Variants in ADGB observed in about 807,000 individuals in gnomAD.
ADGB encodes the protein androglobin, also known as calpain-7-like protein.
Under a neutral mutation model 210.5 loss-of-function variants are expected in ADGB, and 172 were observed. The ratio of observed to expected loss-of-function variants is 0.82; its 90% CI spans 0.72 to 0.93. ADGB has a LOEUF of 0.93. ADGB is among the 40% of genes least tolerant of loss of function. The pLI, the probability that ADGB is intolerant of heterozygous loss-of-function variation, is 0.00. For synonymous variants in ADGB, 658 were observed against 662.7 expected (o/e 0.99, Z 0.11); for missense variants, 2,025 against 1,964.8 (o/e 1.03, Z -0.58).
At chr6:146,773,224 T>A (rs1777676825) in intron 29 of ADGB, among the ~76,000 whole-genome samples, 1 of 151,794 alleles carries the variant, frequency 6.6e-6, no homozygotes, top group South Asian at 2.1e-4. Flanking sequence ...TGACCCTAAA[T>A]TACCACCTCT....
At position 146,782,008 on chromosome 6, in the gene ADGB, A is replaced by G; in HGVS notation, c.3863-12A>G. 1 of 1,437,858 alleles carries G rather than the reference A, an allele frequency of 7.0e-7. No homozygotes were observed. Among genetic ancestry groups the G allele is most frequent in the South Asian group, 1.6e-5 (1 of 61,646 alleles). 89.1% of individuals were successfully genotyped at this position (1,437,858 alleles called of 1,614,324 possible). ...TTATGACTCACCATTTTTTATTTTT[A>G]TGTCTCTCTAGCTTATGGTGAAAGA... is the stretch of plus-strand genomic sequence containing the variant. On this transcript the variant is annotated splice_polypyrimidine_tract_variant and intron_variant, in intron 29 of 35. Coordinates refer to ENST00000397944, the MANE Select transcript of ADGB (RefSeq NM_024694.4).
intron 1 of ADGB, among the ~76,000 whole-genome samples, chr6:146,621,058 T>G (rs1780884557): frequency 6.6e-6 from 1 of 152,194 alleles, no homozygotes; most frequent in African/African-American, 2.4e-5. Flanking sequence ...GTTGCCCTGT[T>G]ACTGTTTCCT....
At chr6:146,749,821 GGAGA>G (rs113048302) in intron 26 of ADGB, among the ~76,000 whole-genome samples, 1 of 150,168 alleles carries the variant, frequency 6.7e-6, no homozygotes, top group African/African-American at 2.4e-5. Context: ...TGGCAGAGCA[GGAGA>G]GAGAGAGAGA....
At chr6:146,722,949 G>T (rs1223627755) in intron 17 of ADGB, among the ~76,000 whole-genome samples, 1 of 152,064 alleles carries the variant, frequency 6.6e-6, no homozygotes, top group Non-Finnish European at 1.5e-5. Flanking sequence ...TTTTGTTAAA[G>T]AATTTTTCTT....
chr6:146,808,125 G>A (rs1778242188), intron 35 of ADGB, among the ~76,000 whole-genome samples: 1 of 149,720 alleles, frequency 6.7e-6, no homozygotes, highest in Admixed American at 6.8e-5. Context: ...TCAGCTTGCT[G>A]AGTAGCTCTG....
At chr6:146,638,060 G>A (rs143966511) in intron 2 of ADGB, among the ~76,000 whole-genome samples, 92 of 152,058 alleles carry the variant, frequency 6.1e-4, no homozygotes, top group African/African-American at 2.0e-3. Flanking sequence ...GGCTTCACTC[G>A]CAGGATGCAA....
chr6:146,789,301 G>A (rs1777922308), intron 33 of ADGB, among the ~76,000 whole-genome samples: 1 of 152,186 alleles, frequency 6.6e-6, no homozygotes, highest in South Asian at 2.1e-4. Context: ...GGAACAGTCA[G>A]TCAGCTTCAG....
At chr6:146,728,423 G>T (rs1211089956) in intron 19 of ADGB, 151 bp from the exon 20 acceptor site, 6 of 835,650 alleles carry the variant, frequency 7.2e-6, no homozygotes, top group Non-Finnish European at 1.0e-5. Context: ...TGAGACTACA[G>T]AATTTAGTAA....
At chr6:146,803,468 T>C in intron 35 of ADGB, 1 of 1,605,266 alleles carries the variant, frequency 6.2e-7, no homozygotes, top group South Asian at 1.1e-5. Context: ...TAACAAAGAT[T>C]TGGAAAGGGA....
intron 33 of ADGB, among the ~76,000 whole-genome samples, chr6:146,790,092 A>G (rs891876265): frequency 6.6e-5 from 10 of 152,186 alleles, no homozygotes; most frequent in African/African-American, 2.4e-4. Context: ...TATGGGGTAC[A>G]ATGGGATGTT....
In ADGB at chr6:146,788,408, C is replaced by A. The variant is rs373348227; in HGVS notation, c.4335C>A (p.Gly1445=). The change falls in exon 33 of 36, where the codon GGC becomes GGA. Residue 1445 remains glycine (G), a synonymous_variant. Coordinates refer to ENST00000397944, the MANE Select transcript of ADGB (RefSeq NM_024694.4). ...TTGTAGTAGAAACAGCTGCACGTGG[C>A]GTAAAAGAACCAAACTCAAAGAATT... The part of the protein sequence containing the change: ...PKEEVETAAR[G]VKEPNSKNSA... 2.6e-6 allele frequency: 4 copies of A among 1,551,300 alleles called. No individual in the cohort carries two copies. The highest frequency in any genetic ancestry group is 3.5e-6 in the Non-Finnish European group (4 of 1,146,874).
intron 12 of ADGB, among the ~76,000 whole-genome samples, chr6:146,698,000 G>T (rs1177372074): frequency 6.6e-6 from 1 of 152,158 alleles, no homozygotes; most frequent in East Asian, 1.9e-4. Flanking sequence ...TTAGTTTTCA[G>T]CTATCCTATT....
chr6:146,760,713 A>T (rs1171246435), intron 27 of ADGB, among the ~76,000 whole-genome samples: 2 of 152,020 alleles, frequency 1.3e-5, no homozygotes, highest in African/African-American at 4.8e-5. Flanking sequence ...ATCATTTTAC[A>T]TTCCCGACAA....
chr6:146,669,825 G>T (rs1291400296), intron 7 of ADGB, among the ~76,000 whole-genome samples: 1 of 152,034 alleles, frequency 6.6e-6, no homozygotes, highest in East Asian at 1.9e-4. Context: ...CCTAAGTTAC[G>T]TAGCTATGTG....
At chr6:146,690,309 A>G (rs1008839933) in intron 10 of ADGB, among the ~76,000 whole-genome samples, 3 of 152,218 alleles carry the variant, frequency 2.0e-5, no homozygotes, top group Non-Finnish European at 4.4e-5. Flanking sequence ...TTGAGACAAC[A>G]TAATTAGGAA....
intron 28 of ADGB, among the ~76,000 whole-genome samples, chr6:146,765,075 A>G (rs891253533): frequency 2.0e-5 from 3 of 152,306 alleles, no homozygotes; most frequent in African/African-American, 7.2e-5. Context: ...CTGGGATTAC[A>G]GGTGCGAGCC....
chr6:146,790,369 G>A (rs922712087), intron 33 of ADGB, among the ~76,000 whole-genome samples: 3 of 151,902 alleles, frequency 2.0e-5, no homozygotes, highest in African/African-American at 7.3e-5. Flanking sequence ...CCAGCCTCTG[G>A]TAACCACCAT....
At chr6:146,756,690 T>A (rs1777410532) in intron 27 of ADGB, among the ~76,000 whole-genome samples, 1 of 151,936 alleles carries the variant, frequency 6.6e-6, no homozygotes, top group Non-Finnish European at 1.5e-5. Flanking sequence ...AATGCCCCAA[T>A]AAATAGTACT....
chr6:146,667,568 G>A (rs1294260206), intron 7 of ADGB, among the ~76,000 whole-genome samples: 2 of 151,896 alleles, frequency 1.3e-5, no homozygotes, highest in Non-Finnish European at 2.9e-5. Context: ...GGCATGTGCA[G>A]GTCTCCCACA....
Sources: gnomAD v4.1 joint callset for allele counts (sites outside exome capture counted in the v4.1 genomes callset) on GRCh38, gnomAD v4.1.1 for gene constraint, MANE v1.5 for transcripts, NCBI Gene and HGNC (gene_info 2026-07-23, HGNC 2026-07-21) for gene names.